The following APBB2 variants were observed in gnomAD, a reference collection of about 807,000 sequenced individuals.
The protein encoded by APBB2 is amyloid beta precursor protein binding family B member 2, also known as Fe65-like 1.
Under a neutral mutation model 82.5 loss-of-function variants are expected in APBB2, and 38 were observed. The ratio of observed to expected loss-of-function variants is 0.46; its 90% CI spans 0.36 to 0.60. The LOEUF (loss-of-function observed/expected upper bound fraction) is 0.60. Among genes scored for constraint, APBB2 ranks in the 20% least tolerant of loss-of-function variants. The pLI, the probability that APBB2 is intolerant of heterozygous loss-of-function variation, is 0.00. For synonymous variants in APBB2, 341 were observed against 368.2 expected, an observed-to-expected ratio of 0.93 and a Z score of 0.85; for missense variants, 772 against 972.3, an observed-to-expected ratio of 0.79 and a Z score of 2.74.
chr4:40,958,501 C>CA (rs1239775028), intron 6 of APBB2, among the ~76,000 whole-genome samples: 3 of 152,188 alleles, frequency 2.0e-5, no homozygotes, highest in African/African-American at 7.2e-5. Flanking sequence ...GCATTGAGAT[C>CA]ACAACCCTTA....
chr4:41,064,731 G>C (rs115037226), intron 4 of APBB2, among the ~76,000 whole-genome samples: 85 of 152,300 alleles, frequency 5.6e-4, no homozygotes, highest in African/African-American at 2.0e-3. Flanking sequence ...GTGAGACATC[G>C]AAGGTCATCC....
At position 41,107,196 on chromosome 4, in the gene APBB2, A is replaced by G. The variant is rs558331073; in HGVS notation, c.-260-6446T>C. ...CATGGTGGCAGGTGCCTGTAGTCCC[A>G]GCTACTTGAGAGACTGAGGTGGGAG... On this transcript the variant is annotated intron_variant, in intron 2 of 17. Transcript: ENST00000508593. Among the ~76,000 whole-genome samples, 8 of 152,284 alleles carry G rather than the reference A, an allele frequency of 5.3e-5. No homozygotes were observed. In the South Asian group the frequency reaches 1.7e-3, roughly 32 times the overall value.
chr4:41,196,653 C>T, intron 1 of APBB2, among the ~76,000 whole-genome samples: 5 of 146,618 alleles, frequency 3.4e-5, no homozygotes, highest in African/African-American at 1.3e-4. Context: ...AAGGTTTGAC[C>T]ACAAGTGTTA....
At chr4:40,912,474 G>A (rs1209075830) in intron 10 of APBB2, among the ~76,000 whole-genome samples, 1 of 152,098 alleles carries the variant, frequency 6.6e-6, no homozygotes, top group Non-Finnish European at 1.5e-5. Context: ...ATACTCAGGA[G>A]GCTGCAGCAG....
At chr4:40,979,999 A>G (rs1798088570) in intron 6 of APBB2, among the ~76,000 whole-genome samples, 1 of 152,206 alleles carries the variant, frequency 6.6e-6, no homozygotes. Context: ...ACCAGGAACT[A>G]CTTGCCTATT....
chr4:40,842,901 G>A (rs1302693588), intron 12 of APBB2, among the ~76,000 whole-genome samples: 1 of 152,158 alleles, frequency 6.6e-6, no homozygotes, highest in Admixed American at 6.5e-5. Context: ...TCAAGGGCGG[G>A]TGGGAAGTGG....
At chr4:41,083,140 G>A (rs543027155) in intron 3 of APBB2, among the ~76,000 whole-genome samples, 1 of 152,104 alleles carries the variant, frequency 6.6e-6, no homozygotes, top group South Asian at 2.1e-4. Flanking sequence ...ACTCCAGCCT[G>A]GGCAACAGAA....
chr4:40,977,064 T>A (rs2154401212), intron 6 of APBB2, among the ~76,000 whole-genome samples: 1 of 152,030 alleles, frequency 6.6e-6, no homozygotes, highest in African/African-American at 2.4e-5. Context: ...AGATTTTCAT[T>A]CAAATTATTA....
At chr4:41,159,946 A>G (rs13102530) in intron 1 of APBB2, among the ~76,000 whole-genome samples, 16,576 of 46,630 alleles carry the variant, frequency 0.36, 4,552 homozygotes, top group Middle Eastern at 0.42. Context: ...GGAGGAGGAG[A>G]AGGAGAAGGA....
At chr4:41,071,025 T>C (rs1733688809) in intron 3 of APBB2, among the ~76,000 whole-genome samples, 1 of 152,178 alleles carries the variant, frequency 6.6e-6, no homozygotes, top group Non-Finnish European at 1.5e-5. Context: ...ACAAATACAT[T>C]AATGCTTCCC....
intron 10 of APBB2, among the ~76,000 whole-genome samples, chr4:40,923,414 C>G (rs1221891708): frequency 2.0e-5 from 3 of 152,236 alleles, no homozygotes; most frequent in African/African-American, 7.2e-5. Flanking sequence ...TTCCAGATGG[C>G]CTTGGAATGC....
At chr4:40,874,157 G>T (rs1173098775) in intron 12 of APBB2, among the ~76,000 whole-genome samples, 1 of 152,206 alleles carries the variant, frequency 6.6e-6, no homozygotes, top group Non-Finnish European at 1.5e-5. Context: ...AAACAGCAAT[G>T]TTATATGATT....
intron 1 of APBB2, among the ~76,000 whole-genome samples, chr4:41,156,133 T>C (rs548988825): frequency 9.2e-4 from 140 of 151,416 alleles, no homozygotes; most frequent in Non-Finnish European, 1.2e-4. Flanking sequence ...TTACATCCAT[T>C]ATCCACCAAG....
intron 1 of APBB2, among the ~76,000 whole-genome samples, chr4:41,181,961 AG>A (rs139679094): frequency 6.4e-4 from 95 of 148,012 alleles, no homozygotes; most frequent in Non-Finnish European, 1.2e-3. Context: ...AAAAAAAAAA[AG>A]AAAAAGAAAA....
chr4:40,925,081 C>A (rs1480558455), intron 10 of APBB2, among the ~76,000 whole-genome samples: 1 of 152,272 alleles, frequency 6.6e-6, no homozygotes, highest in East Asian at 1.9e-4. Flanking sequence ...ACCACCCGAG[C>A]CACCCCTTTC....
chr4:41,088,361 C>G (rs1181537675), intron 3 of APBB2, among the ~76,000 whole-genome samples: 2 of 152,208 alleles, frequency 1.3e-5, no homozygotes, highest in African/African-American at 4.8e-5. Context: ...ATCAACTCAC[C>G]CCTGCCCTAG....
chr4:41,120,568 A>G (rs1430937188), intron 2 of APBB2, among the ~76,000 whole-genome samples: 1 of 152,234 alleles, frequency 6.6e-6, no homozygotes, highest in African/African-American at 2.4e-5. Flanking sequence ...ATAATCATAA[A>G]TGGAAAAGGG....
chr4:41,159,940 G>GAGGAGGAGA lies in APBB2; in HGVS notation c.-416-16799_-416-16798insTCTCCTCCT, dbSNP rs1560912609. Among the ~76,000 whole-genome samples the GAGGAGGAGA allele has an allele frequency of 2.4e-3, 97 of 40,028 alleles. 20 individuals are homozygous for GAGGAGGAGA. Among genetic ancestry groups the GAGGAGGAGA allele is most frequent in the African/African-American group, 8.8e-3 (92 of 10,502 alleles). 26.3% of individuals were successfully genotyped at this position (40,028 alleles called of 152,430 possible). A position where few individuals can be genotyped will look rare whatever the true frequency, so the allele number is the denominator to read the frequency against. On this transcript the variant is annotated intron_variant, in intron 1 of 17. Transcript: ENST00000508593. ...GGAGGAGGAGGAGGAGGAGGAGGAG[G>GAGGAGGAGA]AGGAGAAGGAGAAGGAGAAGGAGAA...
intron 12 of APBB2, among the ~76,000 whole-genome samples, chr4:40,873,533 T>C (rs1400978185): frequency 1.3e-5 from 2 of 152,228 alleles, no homozygotes; most frequent in Admixed American, 6.5e-5. Flanking sequence ...ACAATTATGC[T>C]AGACCACTGA....
Sources: allele counts gnomAD v4.1 joint callset (sites outside exome capture counted in the v4.1 genomes callset), GRCh38; gene constraint gnomAD v4.1.1; transcripts MANE v1.5; gene names NCBI Gene and HGNC (gene_info 2026-07-23, HGNC 2026-07-21).